Variants in NAALADL2 observed in about 807,000 individuals in gnomAD.
NAALADL2 encodes N-acetylated alpha-linked acidic dipeptidase like 2, also known as inactive N-acetylated-alpha-linked acidic dipeptidase-like protein 2.
In NAALADL2, 76 loss-of-function variants were observed where a neutral mutation model predicts 87.2. The observed-to-expected ratio is 0.87, with a 90% CI of 0.72 to 1.05. The LOEUF is 1.05. Ranked by LOEUF, NAALADL2 falls within the 50% of genes least tolerant of loss-of-function variation. The pLI, the probability that NAALADL2 is intolerant of heterozygous loss-of-function variation, is 0.00. For synonymous variants in NAALADL2, 354 were observed against 331.0 expected, an observed-to-expected ratio of 1.07 and a Z score of -0.75; for missense variants, 1,089 against 945.8, an observed-to-expected ratio of 1.15 and a Z score of -1.99.
At chr3:174,833,194 G>A (rs1219053073) in intron 3 of NAALADL2, among the ~76,000 whole-genome samples, 1 of 152,112 alleles carries the variant, frequency 6.6e-6, no homozygotes, top group East Asian at 1.9e-4. Context: ...ATCTGTAAAA[G>A]AAGGAGATAA....
At chr3:175,340,788 A>G (rs564222277) in intron 5 of NAALADL2, among the ~76,000 whole-genome samples, 3 of 152,316 alleles carry the variant, frequency 2.0e-5, no homozygotes, top group Non-Finnish European at 2.9e-5. Context: ...ATCAATAAGC[A>G]TTTCTCAAAT....
rs537106231 is a variant in NAALADL2, at chr3:175,166,087, CAA to C, written c.546-67837_546-67836del. ...TAAAATTTAATTTTAAAAAATCTTACAAAAAAAACTTACCTAGTATATATACA... is the reference window on the plus strand; with the variant it reads ...TAAAATTTAATTTTAAAAAATCTTACAAAAAACTTACCTAGTATATATACA... On this transcript the variant is annotated intron_variant, in intron 2 of 13. Transcript: ENST00000454872. 1.3e-4 allele frequency among the ~76,000 whole-genome samples: 19 copies of C among 148,962 alleles called. No individual in the cohort carries two copies. In the South Asian group the frequency reaches 3.6e-3, roughly 28 times the overall value.
At chr3:175,382,479 T>C (rs1767896808) in intron 5 of NAALADL2, among the ~76,000 whole-genome samples, 1 of 151,630 alleles carries the variant, frequency 6.6e-6, no homozygotes, top group African/African-American at 2.4e-5. Flanking sequence ...TAATTTGCCA[T>C]CTGTTCTTTA....
At chr3:175,135,741 G>A (rs1729025084) in intron 2 of NAALADL2, among the ~76,000 whole-genome samples, 1 of 152,142 alleles carries the variant, frequency 6.6e-6, no homozygotes, top group African/African-American at 2.4e-5. Flanking sequence ...TAAAACTAAT[G>A]TCAGAGATAG....
chr3:174,707,094 G>C (rs1464682522), intron 2 of NAALADL2, among the ~76,000 whole-genome samples: 4 of 152,156 alleles, frequency 2.6e-5, no homozygotes, highest in Non-Finnish European at 4.4e-5. Flanking sequence ...ACCACAATGA[G>C]ATATCATCTC....
chr3:174,505,025 G>A (rs764246636), intron 1 of NAALADL2, among the ~76,000 whole-genome samples: 28 of 152,178 alleles, frequency 1.8e-4, no homozygotes, highest in Admixed American at 3.3e-4. Flanking sequence ...ATCAACTCTC[G>A]AAATAGAATG....
At chr3:175,629,789 T>A (rs772457808) in intron 11 of NAALADL2, among the ~76,000 whole-genome samples, 3 of 151,752 alleles carry the variant, frequency 2.0e-5, no homozygotes, top group Non-Finnish European at 3.0e-5. Flanking sequence ...GGGCACAGAA[T>A]ACATCCCGAA....
rs541816273 is a variant in NAALADL2 at position 175,806,634 on chromosome 3, A to ATATT, written c.*3433_*3436dup. ...TAAGAAAACAATTCAGTTGCAGCTTATATTTGTGCCTGCTACATCCCAGGC... is the reference window on the plus strand; with the variant it reads ...TAAGAAAACAATTCAGTTGCAGCTTATATTTATTTGTGCCTGCTACATCCCAGGC... On this transcript the variant is annotated 3_prime_UTR_variant, in exon 14 of 14. Transcript: ENST00000454872. 3 of 149,228 alleles carry ATATT rather than the reference A, an allele frequency of 2.0e-5. No individual in the cohort carries two copies. The highest frequency in any genetic ancestry group is 2.0e-4 in the Admixed American group (3 of 14,950). 9.2% of individuals were successfully genotyped at this position (149,228 alleles called of 1,614,324 possible). A position where few individuals can be genotyped will look rare whatever the true frequency, so the allele number is the denominator to read the frequency against.
chr3:175,044,755 G>T (rs1754470679), intron 1 of NAALADL2, among the ~76,000 whole-genome samples: 1 of 152,058 alleles, frequency 6.6e-6, no homozygotes, highest in African/African-American at 2.4e-5. Flanking sequence ...AATCTTAAAA[G>T]TATCAAAGTC....
At chr3:175,688,121 AAAGTT>A (rs1227913516) in intron 11 of NAALADL2, among the ~76,000 whole-genome samples, 1 of 152,168 alleles carries the variant, frequency 6.6e-6, no homozygotes, top group African/African-American at 2.4e-5. Flanking sequence ...TTAAGATACT[AAAGTT>A]AAGGTCCTGT....
intron 10 of NAALADL2, among the ~76,000 whole-genome samples, chr3:175,589,309 G>GTAATTTCACATTCGT (rs60691311): frequency 6.6e-6 from 1 of 151,998 alleles, no homozygotes; most frequent in South Asian, 2.1e-4. Flanking sequence ...ATTGGTACTG[G>GTAATTTCACATTCGT]TAAATAAATG....
At chr3:174,943,685 A>G (rs967154979) in intron 1 of NAALADL2, among the ~76,000 whole-genome samples, 1 of 152,190 alleles carries the variant, frequency 6.6e-6, no homozygotes, top group Non-Finnish European at 1.5e-5. Context: ...CCAAGATGGA[A>G]GGTCTGTGTT....
intron 11 of NAALADL2, among the ~76,000 whole-genome samples, chr3:175,696,988 A>T (rs57024479): frequency 0.47 from 72,126 of 151,864 alleles, 20,112 homozygotes; most frequent in African/African-American, 0.78. Context: ...CCTAATGACT[A>T]CTCAAAAGCC....
Position 174,605,794 on chromosome 3 carries a change from T to C in NAALADL2, c.-115+55157T>C, listed in dbSNP as rs1398795330. ...CCTCTGCAGACTTAAATGTCCCTGT[T>C]TGACAGCTTTGAAGAGAGCAATGGT... On this transcript the variant is annotated intron_variant, in intron 2 of 3. Coordinates refer to the NAALADL2 transcript ENST00000434257. Among the ~76,000 whole-genome samples the C allele has an allele frequency of 2.6e-5, 4 of 151,894 alleles. No individual in the cohort carries two copies. The East Asian group carries it at 7.8e-4, about 30-fold the overall frequency.
At chr3:175,444,790 T>A (rs1166201432) in intron 5 of NAALADL2, among the ~76,000 whole-genome samples, 1 of 152,144 alleles carries the variant, frequency 6.6e-6, no homozygotes, top group Non-Finnish European at 1.5e-5. Flanking sequence ...GCAATGAAAT[T>A]ATGAGGCCAG....
intron 3 of NAALADL2, among the ~76,000 whole-genome samples, chr3:175,237,701 G>A (rs1047490857): frequency 2.6e-5 from 4 of 151,894 alleles, no homozygotes; most frequent in South Asian, 2.1e-4. Flanking sequence ...AGAAGAAGCC[G>A]GTTTACTTAA....
In NAALADL2 at chr3:175,808,159, C is replaced by T. The variant is rs539489772; in HGVS notation, c.*4956C>T. On this transcript the variant is annotated 3_prime_UTR_variant, in exon 14 of 14. Transcript: ENST00000454872. Reference sequence around the variant, plus strand: ...TACACACTGAAGTGCCTTTAGCAGACCTGGGACCGTCAAGAATCTTGTTAC... The same window carrying T: ...TACACACTGAAGTGCCTTTAGCAGATCTGGGACCGTCAAGAATCTTGTTAC... 16 of 151,870 alleles carry T rather than the reference C, an allele frequency of 1.1e-4. No individual in the cohort carries two copies. The highest frequency in any genetic ancestry group is 2.2e-4 in the Non-Finnish European group (15 of 67,902). 9.4% of individuals were successfully genotyped at this position (151,870 alleles called of 1,614,324 possible).
intron 2 of NAALADL2, among the ~76,000 whole-genome samples, chr3:175,181,703 A>ATATATG (rs1227887005): frequency 1.5e-4 from 16 of 106,846 alleles, no homozygotes; most frequent in African/African-American, 4.3e-4. Context: ...ATATATATAT[A>ATATATG]TGTGTGTGTG....
chr3:174,638,331 A>G (rs998328944), intron 2 of NAALADL2, among the ~76,000 whole-genome samples: 2 of 152,174 alleles, frequency 1.3e-5, no homozygotes, highest in Non-Finnish European at 2.9e-5. Flanking sequence ...TAAGAAACAG[A>G]ATTTAGTGAA....
Sources: gnomAD v4.1 joint callset for allele counts (sites outside exome capture counted in the v4.1 genomes callset) on GRCh38, gnomAD v4.1.1 for gene constraint, MANE v1.5 for transcripts, NCBI Gene and HGNC (gene_info 2026-07-23, HGNC 2026-07-21) for gene names.